The following GIT2 variants were observed in gnomAD, a reference collection of about 807,000 sequenced individuals.
GIT2 encodes the protein ARF GTPase-activating protein GIT2.
Under a neutral mutation model 100.3 loss-of-function variants are expected in GIT2, and 32 were observed. The ratio of observed to expected loss-of-function variants is 0.32; its 90% CI spans 0.24 to 0.43. The LOEUF (loss-of-function observed/expected upper bound fraction) is 0.43, where lower values mean the gene tolerates loss of function less well. GIT2 is among the 20% of genes least tolerant of loss of function. The pLI is 1.00. For synonymous variants in GIT2, 353 were observed against 364.1 expected (o/e 0.97, Z 0.35); for missense variants, 737 against 975.1 (o/e 0.76, Z 3.25).
At chr12:109,986,445 C>T (rs1359101584) in intron 4 of GIT2, among the ~76,000 whole-genome samples, 10 of 152,138 alleles carry the variant, frequency 6.6e-5, no homozygotes, top group Non-Finnish European at 1.0e-4. Flanking sequence ...GCCTGGCCAA[C>T]GTGGTGAAAC....
At chr12:109,977,186 T>C (rs1379483614) in intron 7 of GIT2, among the ~76,000 whole-genome samples, 3 of 152,258 alleles carry the variant, frequency 2.0e-5, no homozygotes, top group Admixed American at 2.0e-4. Flanking sequence ...TTTAGCACTT[T>C]AAAAGTATTG....
intron 6 of GIT2, 32 bp downstream of exon 6, chr12:109,983,341 A>T (rs549438082): frequency 1.2e-6 from 2 of 1,601,570 alleles, no homozygotes; most frequent in Middle Eastern, 1.7e-4. Context: ...AAAAAATCCC[A>T]GAGAGAAGTA....
chr12:109,965,687 T>C (rs1219282551), intron 8 of GIT2, 110 bp from the exon 9 acceptor site: 18 of 832,450 alleles, frequency 2.2e-5, no homozygotes, highest in Non-Finnish European at 3.6e-5. Flanking sequence ...TCATGGACCA[T>C]GTTAGAACCA....
intron 7 of GIT2, among the ~76,000 whole-genome samples, chr12:109,976,492 G>A (rs1885093644): frequency 6.6e-6 from 1 of 151,540 alleles, no homozygotes; most frequent in African/African-American, 2.4e-5. Flanking sequence ...CATCGTGTTA[G>A]CCAGGATGGT....
intron 4 of GIT2, 155 bp from the exon 5 acceptor site, chr12:109,983,849 G>C (rs1353443197): frequency 1.7e-6 from 1 of 584,742 alleles, no homozygotes; most frequent in Non-Finnish European, 3.1e-6. Flanking sequence ...TCCTTTGCCA[G>C]TCACAACTGT....
chr12:109,941,465 TGAAAAA>T (rs1336828564), intron 16 of GIT2, among the ~76,000 whole-genome samples: 4 of 151,638 alleles, frequency 2.6e-5, no homozygotes, highest in Non-Finnish European at 5.9e-5. Flanking sequence ...GCTTAGAAAA[TGAAAAA>T]GAAAGAAGAA....
chr12:109,979,997 CTGT>C (rs764812227), intron 7 of GIT2, among the ~76,000 whole-genome samples: 13 of 152,348 alleles, frequency 8.5e-5, no homozygotes, highest in Admixed American at 2.0e-4. Context: ...TTCAACTCTG[CTGT>C]TGTTATGTGA....
At chr12:109,978,070 T>C (rs1020936997) in intron 7 of GIT2, among the ~76,000 whole-genome samples, 5 of 149,604 alleles carry the variant, frequency 3.3e-5, no homozygotes, top group Non-Finnish European at 7.4e-5. Context: ...TTCACCAAAT[T>C]TAGAGGTTTT....
At chr12:109,959,795 G>A (rs1880579068) in intron 12 of GIT2, 52 bp downstream of exon 12, 1 of 1,051,898 alleles carries the variant, frequency 9.5e-7, no homozygotes, top group Non-Finnish European at 1.5e-6. Context: ...TAACACCTGA[G>A]TCAAATTTAG....
upstream of GIT2, among the ~76,000 whole-genome samples, chr12:109,997,069 G>C (rs1052001934): frequency 3.9e-5 from 6 of 152,066 alleles, no homozygotes; most frequent in Admixed American, 2.0e-4. Flanking sequence ...AATTAGCCGG[G>C]CACAGTGGCA....
intron 1 of GIT2, 89 bp downstream of exon 1, chr12:109,996,084 G>T: frequency 2.5e-6 from 2 of 798,242 alleles, no homozygotes; most frequent in South Asian, 3.9e-5. Context: ...CCCTAGCCGC[G>T]GGATGCAGCC....
intron 1 of GIT2, among the ~76,000 whole-genome samples, chr12:109,992,566 C>A (rs1437948852): frequency 2.6e-5 from 4 of 152,146 alleles, no homozygotes; most frequent in African/African-American, 2.4e-5. Flanking sequence ...CAGAAAGCTG[C>A]GAGTTACAGA....
chr12:109,951,416 C>A, intron 13 of GIT2, 100 bp from the exon 14 acceptor site: 2 of 927,966 alleles, frequency 2.2e-6, no homozygotes, highest in Non-Finnish European at 3.3e-6. Flanking sequence ...AGCTGAATTG[C>A]AAAGTTAGTC....
At chr12:109,981,103 T>TG in intron 6 of GIT2, 57 bp from the exon 7 acceptor site, 1 of 1,162,928 alleles carries the variant, frequency 8.6e-7, no homozygotes, top group Non-Finnish European at 1.3e-6. Flanking sequence ...GACTTTAAAA[T>TG]GGAGTACAAA....
intron 14 of GIT2, among the ~76,000 whole-genome samples, chr12:109,950,130 T>C (rs1208582191): frequency 6.6e-6 from 1 of 152,212 alleles, no homozygotes; most frequent in African/African-American, 2.4e-5. Flanking sequence ...AAAAGAATCC[T>C]AGACCAAACC....
chr12:109,933,286 CAG>C lies in GIT2; in HGVS notation c.2068-98_2068-97del, dbSNP rs528212516. 643 of 745,332 alleles carry C rather than the reference CAG, an allele frequency of 8.6e-4. 9 individuals carry two copies. The highest frequency in any genetic ancestry group is 7.9e-3 in the South Asian group (479 of 60,480). 46.2% of individuals were successfully genotyped at this position (745,332 alleles called of 1,614,324 possible). A position where few individuals can be genotyped will look rare whatever the true frequency, so the allele number is the denominator to read the frequency against. On this transcript the variant is annotated intron_variant, in intron 19 of 19. Transcript: ENST00000355312. The surrounding 1 kb of genome is among the most constrained non-coding windows in gnomAD (Gnocchi z 4.5). ...TTCTAAAGCAAACCAAGCTGCTCCC[CAG>C]AGTGAAAGGCGGTTTGGTCCTGCCC...
intron 1 of GIT2, among the ~76,000 whole-genome samples, chr12:109,994,125 T>G (rs1888916447): frequency 6.6e-6 from 1 of 151,930 alleles, no homozygotes; most frequent in African/African-American, 2.4e-5. Flanking sequence ...GCTTTGGTTT[T>G]CACTTATTCA....
At chr12:109,995,371 G>C (rs891734095) in intron 1 of GIT2, among the ~76,000 whole-genome samples, 8 of 152,152 alleles carry the variant, frequency 5.3e-5, no homozygotes, top group African/African-American at 1.9e-4. Flanking sequence ...GTCAAATATA[G>C]CTTTAAGGGA....
intron 3 of GIT2, among the ~76,000 whole-genome samples, 155 bp from the exon 4 acceptor site, chr12:109,989,223 A>G (rs1417672068): frequency 6.6e-6 from 1 of 152,254 alleles, no homozygotes; most frequent in East Asian, 1.9e-4. Flanking sequence ...TAAGACCTGC[A>G]GTTTGAAAAC....
Sources: allele counts gnomAD v4.1 joint callset (sites outside exome capture counted in the v4.1 genomes callset), GRCh38; gene constraint gnomAD v4.1.1; non-coding constraint Gnocchi (gnomAD v3.1); transcripts MANE v1.5; gene names NCBI Gene and HGNC (gene_info 2026-07-23, HGNC 2026-07-21).